CARMIL1: variants seen among roughly 807,000 people sequenced by gnomAD.
The protein encoded by CARMIL1 is F-actin-uncapping protein LRRC16A.
In CARMIL1, 90 loss-of-function variants were observed where a neutral mutation model predicts 177.1. That is an observed-to-expected ratio of 0.51 (90% CI 0.43 to 0.61). CARMIL1 has a LOEUF of 0.61. CARMIL1 is among the 20% of genes least tolerant of loss of function. The pLI is 0.00. For missense variants in CARMIL1, 1,380 were observed against 1,667.0 expected (o/e 0.83, Z 3.00); for synonymous variants, 577 against 606.2 (o/e 0.95, Z 0.71).
In CARMIL1 at chr6:25,326,429, A is replaced by T. The variant is rs969815687; in HGVS notation, c.138+41520A>T. ...TTTACTGGGGAAATAACATAATCTGATATGTTTAAAATGATTACTGAGGCT... is the reference window on the plus strand; with the variant it reads ...TTTACTGGGGAAATAACATAATCTGTTATGTTTAAAATGATTACTGAGGCT... On this transcript the variant is annotated intron_variant, in intron 2 of 36. Coordinates refer to ENST00000329474, the MANE Select transcript of CARMIL1 (RefSeq NM_017640.6). The surrounding 1 kb of genome is among the most constrained non-coding windows in gnomAD (Gnocchi z 4.2). Among the ~76,000 whole-genome samples, 7 of 152,188 alleles carry T rather than the reference A, an allele frequency of 4.6e-5. No homozygotes were observed. Among genetic ancestry groups the T allele is most frequent in the Non-Finnish European group, 8.8e-5 (6 of 68,022 alleles).
At chr6:25,502,662 C>G (rs776270946) in intron 17 of CARMIL1, among the ~76,000 whole-genome samples, 30 of 152,098 alleles carry the variant, frequency 2.0e-4, no homozygotes, top group Non-Finnish European at 2.6e-4. Context: ...AATATCGTGA[C>G]TGCCAGCAGT....
chr6:25,439,424 T>G (rs903209769), intron 5 of CARMIL1, among the ~76,000 whole-genome samples: 7 of 152,086 alleles, frequency 4.6e-5, no homozygotes, highest in Non-Finnish European at 8.8e-5. Context: ...TGGAGAAAGA[T>G]GTGTAGAGGA....
intron 29 of CARMIL1, among the ~76,000 whole-genome samples, chr6:25,574,691 G>A (rs1047489970): frequency 1.3e-5 from 2 of 152,144 alleles, no homozygotes; most frequent in Admixed American, 6.5e-5. Context: ...AAATGGCATC[G>A]TACCACGTGT....
At chr6:25,465,071 CAA>C (rs558022196) in intron 8 of CARMIL1, among the ~76,000 whole-genome samples, 60 of 61,958 alleles carry the variant, frequency 9.7e-4, no homozygotes, top group Middle Eastern at 9.6e-3. Context: ...AGAACTAAAG[CAA>C]AAAAAAAAAA....
chr6:25,315,293 C>CA (rs1272846001), intron 2 of CARMIL1, among the ~76,000 whole-genome samples: 3 of 152,190 alleles, frequency 2.0e-5, no homozygotes, highest in Non-Finnish European at 4.4e-5. Flanking sequence ...TTTTCTCTTA[C>CA]ATACCAATTC....
At chr6:25,478,119 T>C (rs999088773) in intron 11 of CARMIL1, among the ~76,000 whole-genome samples, 2 of 152,160 alleles carry the variant, frequency 1.3e-5, no homozygotes, top group African/African-American at 4.8e-5. Flanking sequence ...TTAGACACCA[T>C]TTAGAATCCT....
At chr6:25,365,825 A>C (rs571328490) in intron 2 of CARMIL1, among the ~76,000 whole-genome samples, 16 of 152,236 alleles carry the variant, frequency 1.1e-4, no homozygotes, top group Non-Finnish European at 2.4e-4. Flanking sequence ...TGCTAGGATT[A>C]CAGGTGTACA....
chr6:25,607,721 CT>C (rs764221584), intron 35 of CARMIL1, among the ~76,000 whole-genome samples: 42 of 152,294 alleles, frequency 2.8e-4, no homozygotes, highest in Non-Finnish European at 6.0e-4. Context: ...ACTTGTGGTT[CT>C]TTCCCATGTT....
chr6:25,596,817 A>T (rs1197963583), intron 32 of CARMIL1, among the ~76,000 whole-genome samples: 9 of 151,432 alleles, frequency 5.9e-5, no homozygotes, highest in Middle Eastern at 3.4e-3. Flanking sequence ...GATTGCAGAT[A>T]CTCAACCTGT....
intron 22 of CARMIL1, among the ~76,000 whole-genome samples, chr6:25,517,657 T>G (rs767311263): frequency 6.6e-6 from 1 of 152,166 alleles, no homozygotes; most frequent in Non-Finnish European, 1.5e-5. Context: ...CACACTGTCG[T>G]GAGAATTAAA....
intron 29 of CARMIL1, among the ~76,000 whole-genome samples, chr6:25,574,375 A>T: frequency 6.6e-6 from 1 of 152,210 alleles, no homozygotes; most frequent in East Asian, 1.9e-4. Flanking sequence ...GCCAATATAC[A>T]CTGGAACACA....
chr6:25,442,632 G>C (rs1296855734), intron 5 of CARMIL1, among the ~76,000 whole-genome samples: 1 of 150,014 alleles, frequency 6.7e-6, no homozygotes, highest in East Asian at 1.9e-4. Flanking sequence ...ATAAGAAACA[G>C]TTCCTACCTT....
intron 2 of CARMIL1, among the ~76,000 whole-genome samples, chr6:25,303,410 A>G (rs1232605942): frequency 1.3e-5 from 2 of 152,140 alleles, no homozygotes; most frequent in Admixed American, 6.6e-5. Context: ...TCAATTGGGG[A>G]AGTAACAGAC....
intron 2 of CARMIL1, among the ~76,000 whole-genome samples, chr6:25,400,273 A>G (rs1391078628): frequency 2.0e-5 from 3 of 152,180 alleles, no homozygotes; most frequent in Non-Finnish European, 4.4e-5. Context: ...GGGAAAAGGG[A>G]TAAGGCCTAT....
At position 25,297,430 on chromosome 6, in the gene CARMIL1, A is replaced by T. The variant is rs2690129; in HGVS notation, c.138+12521A>T. On this transcript the variant is annotated intron_variant, in intron 2 of 36. Transcript: ENST00000329474. ...TGCCTTTCTAGAAAAAAACTTTTGG[A>T]GTTTAAATAGCACTTAACCCTCTAT... 9.2e-3 allele frequency among the ~76,000 whole-genome samples: 1,399 copies of T among 152,092 alleles called. 20 individuals are homozygous for T. The highest frequency in any genetic ancestry group is 0.029 in the African/African-American group (1,188 of 41,464).
chr6:25,586,429 G>A (rs1265659275), intron 31 of CARMIL1, among the ~76,000 whole-genome samples: 1 of 148,074 alleles, frequency 6.8e-6, no homozygotes, highest in Non-Finnish European at 1.5e-5. Flanking sequence ...TCACTTCCCA[G>A]ACAGGATGGC....
At chr6:25,353,483 A>G (rs1466768973) in intron 2 of CARMIL1, among the ~76,000 whole-genome samples, 2 of 152,196 alleles carry the variant, frequency 1.3e-5, no homozygotes, top group African/African-American at 4.8e-5. Flanking sequence ...TCTAGTCTTC[A>G]AACACAAGTT....
At chr6:25,574,697 C>A (rs930234168) in intron 29 of CARMIL1, among the ~76,000 whole-genome samples, 1 of 152,148 alleles carries the variant, frequency 6.6e-6, no homozygotes, top group Admixed American at 6.5e-5. Context: ...CATCGTACCA[C>A]GTGTATCTTT....
intron 11 of CARMIL1, among the ~76,000 whole-genome samples, chr6:25,474,128 G>T (rs1459686495): frequency 2.0e-5 from 3 of 147,692 alleles, no homozygotes; most frequent in Non-Finnish European, 4.5e-5. Flanking sequence ...TTTTTTTTGA[G>T]AAGGAGTCTT....
Sources: allele counts gnomAD v4.1 joint callset (sites outside exome capture counted in the v4.1 genomes callset), GRCh38; gene constraint gnomAD v4.1.1; non-coding constraint Gnocchi (gnomAD v3.1); transcripts MANE v1.5; gene names NCBI Gene and HGNC (gene_info 2026-07-23, HGNC 2026-07-21).